RFC3: variants seen among roughly 807,000 people sequenced by gnomAD.
RFC3 encodes replication factor C subunit 3.
RFC3 carries 41 observed loss-of-function variants against 45.1 expected under a neutral mutation model. The observed-to-expected ratio is 0.91, with a 90% CI of 0.71 to 1.18. The LOEUF (loss-of-function observed/expected upper bound fraction) is 1.18, where lower values mean the gene tolerates loss of function less well. Among genes scored for constraint, RFC3 ranks in the 50% most tolerant of loss-of-function variants. The probability of loss-of-function intolerance (pLI) is 0.00; values close to 1 mark genes in which losing one functional copy is unlikely to be tolerated. For synonymous variants in RFC3, 149 were observed against 144.0 expected (o/e 1.03, Z -0.25); for missense variants, 423 against 428.1 (o/e 0.99, Z 0.10).
intron 8 of RFC3, among the ~76,000 whole-genome samples, chr13:33,944,714 A>C (rs2082944694): frequency 6.6e-6 from 1 of 152,136 alleles, no homozygotes; most frequent in Non-Finnish European, 1.5e-5. Context: ...TTTGCGACTA[A>C]AGTTAGCACT....
rs575439783 is a variant in RFC3, at chr13:33,895,437, G to T, written c.879+60220G>T. ...ATATGGCATATTAAAACCAAAGTGGGATACCACCTTACTCCAGCTAGAATG... is the reference window on the plus strand; with the variant it reads ...ATATGGCATATTAAAACCAAAGTGGTATACCACCTTACTCCAGCTAGAATG... On this transcript the variant is annotated intron_variant, in intron 8 of 8. Coordinates refer to the RFC3 transcript ENST00000434425. Among the ~76,000 whole-genome samples the T allele has an allele frequency of 1.1e-3, 167 of 152,220 alleles. 1 individual carries two copies. The highest frequency in any genetic ancestry group is 3.9e-3 in the African/African-American group (164 of 41,558).
intron 8 of RFC3, among the ~76,000 whole-genome samples, chr13:33,940,084 T>G (rs1362445139): frequency 1.3e-5 from 2 of 152,212 alleles, no homozygotes; most frequent in East Asian, 1.9e-4. Context: ...TATTCCTAAT[T>G]TATTGTTTTC....
intron 8 of RFC3, among the ~76,000 whole-genome samples, chr13:33,961,841 AGAATAAGCCTTAGGAT>A (rs909221363): frequency 3.3e-5 from 5 of 152,234 alleles, no homozygotes; most frequent in African/African-American, 1.2e-4. Context: ...ACCCCATGGA[AGAATAAGCCTTAGGAT>A]AATGTGAATT....
At chr13:33,851,467 G>A (rs1386051009) in intron 8 of RFC3, among the ~76,000 whole-genome samples, 6 of 151,934 alleles carry the variant, frequency 3.9e-5, no homozygotes, top group Non-Finnish European at 7.4e-5. Flanking sequence ...TCAGATAAGA[G>A]GAAAGAAAAG....
At chr13:33,918,556 G>T (rs1221755374) in intron 8 of RFC3, among the ~76,000 whole-genome samples, 2 of 152,168 alleles carry the variant, frequency 1.3e-5, no homozygotes, top group East Asian at 3.9e-4. Context: ...TTACCAAAAT[G>T]ACATAGAAAT....
Position 33,877,331 on chromosome 13 carries a change from C to G in RFC3, c.879+42114C>G, listed in dbSNP as rs138434255. Among the ~76,000 whole-genome samples, 73 of 152,304 alleles carry G rather than the reference C, an allele frequency of 4.8e-4. No homozygotes were observed. The East Asian group carries it at 0.014, about 29-fold the overall frequency. ...GGCTCTGTGGCAGGCATTCCACAGA[C>G]ATTCTTTCATTAAATGATCACAGTG... On this transcript the variant is annotated intron_variant, in intron 8 of 8. Transcript: ENST00000434425.
intron 8 of RFC3, among the ~76,000 whole-genome samples, chr13:33,913,174 CTAGT>C (rs1349317077): frequency 6.6e-6 from 1 of 152,048 alleles, no homozygotes; most frequent in Non-Finnish European, 1.5e-5. Context: ...AACTTAATAA[CTAGT>C]TATTTTATGA....
At chr13:33,906,412 G>A (rs186416907) in intron 8 of RFC3, among the ~76,000 whole-genome samples, 1 of 151,920 alleles carries the variant, frequency 6.6e-6, no homozygotes, top group Admixed American at 6.6e-5. Context: ...CTTTCCGGGA[G>A]ATACCCAGAA....
intron 7 of RFC3, among the ~76,000 whole-genome samples, chr13:33,834,213 C>T (rs1003698146): frequency 3.4e-5 from 5 of 147,664 alleles, no homozygotes; most frequent in Non-Finnish European, 5.9e-5. Context: ...ATATTCCTGA[C>T]GTCTTAGGAT....
At chr13:33,858,766 A>G (rs1314518139) in intron 8 of RFC3, among the ~76,000 whole-genome samples, 4 of 152,340 alleles carry the variant, frequency 2.6e-5, no homozygotes, top group Middle Eastern at 3.4e-3. Context: ...TCTCTGTTCT[A>G]TCCATGGAAA....
chr13:33,932,370 T>C (rs1485592534), intron 8 of RFC3, among the ~76,000 whole-genome samples: 1 of 152,174 alleles, frequency 6.6e-6, no homozygotes, highest in Non-Finnish European at 1.5e-5. Context: ...GTGACTTTCA[T>C]TGGAATTGTC....
At chr13:33,918,640 A>T (rs1406157587) in intron 8 of RFC3, among the ~76,000 whole-genome samples, 1 of 152,118 alleles carries the variant, frequency 6.6e-6, no homozygotes, top group African/African-American at 2.4e-5. Flanking sequence ...ACCTCAAATA[A>T]TAGCACCAAA....
intron 8 of RFC3, among the ~76,000 whole-genome samples, chr13:33,943,205 C>T (rs1381621777): frequency 6.6e-6 from 1 of 152,092 alleles, no homozygotes; most frequent in African/African-American, 2.4e-5. Flanking sequence ...GGCATCTTGC[C>T]TCAGAAATAG....
chr13:33,894,349 TC>T (rs1334555698), intron 8 of RFC3, among the ~76,000 whole-genome samples: 9 of 152,278 alleles, frequency 5.9e-5, no homozygotes, highest in Middle Eastern at 3.4e-3. Flanking sequence ...TGCATGCACT[TC>T]CAGTTTCCAG....
chr13:33,924,181 A>C (rs376950731), intron 8 of RFC3, among the ~76,000 whole-genome samples: 1 of 152,196 alleles, frequency 6.6e-6, no homozygotes, highest in South Asian at 2.1e-4. Context: ...ATTGACTTTA[A>C]AAGACAAGTG....
intron 8 of RFC3, among the ~76,000 whole-genome samples, chr13:33,913,434 A>C (rs2082714818): frequency 6.6e-6 from 1 of 152,180 alleles, no homozygotes. Flanking sequence ...AAAATTGTTC[A>C]TGAAACACCA....
chr13:33,868,378 A>G (rs1243674057), intron 8 of RFC3, among the ~76,000 whole-genome samples: 1 of 152,154 alleles, frequency 6.6e-6, no homozygotes, highest in Non-Finnish European at 1.5e-5. Flanking sequence ...CTAGAACTGA[A>G]TCAAAAGGAA....
chr13:33,973,559 G>A, the RFC3 span, among the ~76,000 whole-genome samples: 51 of 152,098 alleles, frequency 3.4e-4, no homozygotes, highest in African/African-American at 1.1e-3. Flanking sequence ...CTCATAGGGC[G>A]TAATACCTGG....
intron 8 of RFC3, among the ~76,000 whole-genome samples, chr13:33,934,727 T>TTTTTG (rs1342545504): frequency 1.3e-5 from 2 of 152,124 alleles, no homozygotes. Flanking sequence ...GTCTATCTGG[T>TTTTTG]TTTTGTTTTG....
Sources: gnomAD v4.1 joint callset for allele counts (sites outside exome capture counted in the v4.1 genomes callset) on GRCh38, gnomAD v4.1.1 for gene constraint, MANE v1.5 for transcripts, NCBI Gene and HGNC (gene_info 2026-07-23, HGNC 2026-07-21) for gene names.